DNAAF11: variants seen among roughly 807,000 people sequenced by gnomAD.
The protein encoded by DNAAF11 is dynein axonemal assembly factor 11.
In DNAAF11, 45 loss-of-function variants were observed where a neutral mutation model predicts 60.8. The observed-to-expected ratio is 0.74, with a 90% CI of 0.58 to 0.95. DNAAF11 has a LOEUF of 0.95. Among genes scored for constraint, DNAAF11 ranks in the 40% least tolerant of loss-of-function variants. The probability of loss-of-function intolerance (pLI) is 0.00; values close to 1 mark genes in which losing one functional copy is unlikely to be tolerated. For synonymous variants in DNAAF11, 191 were observed against 183.5 expected (o/e 1.04, Z -0.33); for missense variants, 546 against 546.2 (o/e 1.00, Z 0.00).
At position 132,649,803 on chromosome 8, in the gene DNAAF11, C is replaced by G. The variant is rs1242198257; in HGVS notation, c.256+7027G>C. Reference sequence around the variant, plus strand: ...CACTGGCCATCAGAGAAATGCAAATCAAAACCACAATGAGATACCATCTCA... The same window carrying G: ...CACTGGCCATCAGAGAAATGCAAATGAAAACCACAATGAGATACCATCTCA... On this transcript the variant is annotated intron_variant, in intron 3 of 11. Transcript: ENST00000620350. Among the ~76,000 whole-genome samples, 5 of 152,284 alleles carry G rather than the reference C, an allele frequency of 3.3e-5. 1 individual carries two copies. In the Middle Eastern group the frequency reaches 0.014, roughly 414 times the overall value.
At chr8:132,671,093 G>A (rs751068512) in intron 1 of DNAAF11, among the ~76,000 whole-genome samples, 11 of 152,054 alleles carry the variant, frequency 7.2e-5, no homozygotes, top group Non-Finnish European at 1.3e-4. Flanking sequence ...TCTAGCAATA[G>A]GCAAGGAAAA....
chr8:132,582,062 C>T (rs1387020119), intron 11 of DNAAF11, among the ~76,000 whole-genome samples: 1 of 152,196 alleles, frequency 6.6e-6, no homozygotes, highest in Non-Finnish European at 1.5e-5. Flanking sequence ...TTGTGGCCCT[C>T]CCGGTGGACG....
Position 132,603,594 on chromosome 8 carries a change from G to C in DNAAF11, c.1140+6572C>G, listed in dbSNP as rs547201557. ...AGACATCAAAGAGAGATGTTTTAGT[G>C]GGGGGTGGGGGTGTGGGGAGGACAT... is the stretch of plus-strand genomic sequence containing the variant. On this transcript the variant is annotated intron_variant, in intron 10 of 11. Coordinates refer to ENST00000620350, the MANE Select transcript of DNAAF11 (RefSeq NM_012472.6). Among the ~76,000 whole-genome samples the C allele has an allele frequency of 2.6e-5, 4 of 151,902 alleles. No homozygotes were observed. The East Asian group carries it at 5.8e-4, about 22-fold the overall frequency.
chr8:132,668,940 T>C (rs560318937), intron 1 of DNAAF11, among the ~76,000 whole-genome samples: 4 of 152,140 alleles, frequency 2.6e-5, no homozygotes, highest in Non-Finnish European at 4.4e-5. Context: ...AGCGAAGAGA[T>C]TGTTCAGCCA....
rs1822750986 is a variant in DNAAF11, at chr8:132,649,306, G to T, written c.256+7524C>A. Among the ~76,000 whole-genome samples, 5 of 152,310 alleles carry T rather than the reference G, an allele frequency of 3.3e-5. No homozygotes were observed. In the South Asian group the frequency reaches 1.0e-3, roughly 32 times the overall value. ...TTAATAAATGCTGCTGGGAAAACTGGCTAGCCATATGTAGAAAGCTGAAAC... is the reference window on the plus strand; with the variant it reads ...TTAATAAATGCTGCTGGGAAAACTGTCTAGCCATATGTAGAAAGCTGAAAC... On this transcript the variant is annotated intron_variant, in intron 3 of 11. Transcript: ENST00000620350.
chr8:132,600,922 T>C (rs889217128), intron 10 of DNAAF11, among the ~76,000 whole-genome samples: 2 of 151,992 alleles, frequency 1.3e-5, no homozygotes, highest in Non-Finnish European at 1.5e-5. Flanking sequence ...AATTGACAAA[T>C]GGGATCTAAT....
intron 7 of DNAAF11, among the ~76,000 whole-genome samples, chr8:132,618,805 T>C (rs1479991814): frequency 6.6e-6 from 1 of 151,994 alleles, no homozygotes; most frequent in East Asian, 1.9e-4. Context: ...ACAACAGGTG[T>C]TGGAGAGGAT....
chr8:132,674,919 C>T (rs574987121), intron 1 of DNAAF11, among the ~76,000 whole-genome samples: 1 of 152,290 alleles, frequency 6.6e-6, no homozygotes, highest in Non-Finnish European at 1.5e-5. Flanking sequence ...GTTTATAACA[C>T]TTACTGTGTC....
intron 10 of DNAAF11, among the ~76,000 whole-genome samples, chr8:132,609,320 G>A (rs1489353496): frequency 2.0e-5 from 3 of 149,538 alleles, no homozygotes; most frequent in African/African-American, 7.4e-5. Flanking sequence ...TATGTAAGTA[G>A]TTATTATACT....
chr8:132,643,498 C>G, intron 3 of DNAAF11: 1 of 371,700 alleles, frequency 2.7e-6, no homozygotes, highest in South Asian at 2.0e-5. Context: ...GTGTAATATC[C>G]TCTCCCAACA....
chr8:132,699,435 G>C, the DNAAF11 span, among the ~76,000 whole-genome samples: 1 of 152,160 alleles, frequency 6.6e-6, no homozygotes, highest in Admixed American at 6.5e-5. Flanking sequence ...GTGGGATTGA[G>C]GGTAATTAAC....
In DNAAF11 at chr8:132,669,375, G is replaced by C. The variant is rs986845377; in HGVS notation, c.10+6109C>G. Among the ~76,000 whole-genome samples, 8 of 152,334 alleles carry C rather than the reference G, an allele frequency of 5.3e-5. No homozygotes were observed. In the East Asian group the frequency reaches 1.2e-3, roughly 22 times the overall value. On this transcript the variant is annotated intron_variant, in intron 1 of 11. Transcript: ENST00000620350. ...CATAGATAGTGCCTGGCCCAAGGCA[G>C]TTATGCAATTGTAAAGACTTGCACT...
chr8:132,651,921 T>A (rs2130731245), intron 3 of DNAAF11, among the ~76,000 whole-genome samples: 1 of 152,342 alleles, frequency 6.6e-6, no homozygotes, highest in Non-Finnish European at 1.5e-5. Flanking sequence ...AAGCATCATC[T>A]TGATCCCAGG....
chr8:132,686,348 T>C, the DNAAF11 span, among the ~76,000 whole-genome samples: 99 of 151,852 alleles, frequency 6.5e-4, no homozygotes, highest in African/African-American at 2.3e-3. Context: ...AATGGAAGGG[T>C]TGGTCAGGAA....
intron 3 of DNAAF11, chr8:132,643,612 A>G: frequency 2.2e-6 from 1 of 456,078 alleles, no homozygotes; most frequent in South Asian, 1.5e-5. Flanking sequence ...TGGGTAGGAG[A>G]AAATTGAGAA....
intron 3 of DNAAF11, among the ~76,000 whole-genome samples, chr8:132,648,517 AG>A (rs1344332679): frequency 9.2e-5 from 14 of 152,198 alleles, no homozygotes; most frequent in Non-Finnish European, 2.9e-5. Context: ...CAGGGCAATC[AG>A]GCAGGAGAAA....
intron 3 of DNAAF11, among the ~76,000 whole-genome samples, chr8:132,654,779 T>C (rs1365620405): frequency 6.6e-6 from 1 of 150,914 alleles, no homozygotes; most frequent in Non-Finnish European, 1.5e-5. Context: ...AAAAAAGTAA[T>C]GCTCATAGGA....
At chr8:132,609,313 G>A (rs1478386202) in intron 10 of DNAAF11, among the ~76,000 whole-genome samples, 4 of 149,884 alleles carry the variant, frequency 2.7e-5, no homozygotes, top group Non-Finnish European at 5.9e-5. Context: ...TAAATGTTAT[G>A]TAAGTAGTTA....
chr8:132,602,116 T>A (rs1817688797), intron 10 of DNAAF11, among the ~76,000 whole-genome samples: 1 of 152,160 alleles, frequency 6.6e-6, no homozygotes, highest in South Asian at 2.1e-4. Context: ...CTATGTCTAA[T>A]CTGCTGTTAA....
Sources: allele counts gnomAD v4.1 joint callset (sites outside exome capture counted in the v4.1 genomes callset), GRCh38; gene constraint gnomAD v4.1.1; transcripts MANE v1.5; gene names NCBI Gene and HGNC (gene_info 2026-07-23, HGNC 2026-07-21).